The following PLD5 variants were observed in gnomAD, a reference collection of about 807,000 sequenced individuals.
The protein encoded by PLD5 is phospholipase D family member 5, also known as inactive phospholipase D5.
In PLD5, 36 loss-of-function variants were observed where a neutral mutation model predicts 61.1. The ratio of observed to expected loss-of-function variants is 0.59; its 90% CI spans 0.45 to 0.78. The LOEUF is 0.78. Among genes scored for constraint, PLD5 ranks in the 30% least tolerant of loss-of-function variants. The pLI is 0.00. For synonymous variants in PLD5, 243 were observed against 242.8 expected (o/e 1.00, Z -0.01); for missense variants, 515 against 644.4 (o/e 0.80, Z 2.17).
chr1:242,494,042 T>C (rs1364026649), intron 1 of PLD5, among the ~76,000 whole-genome samples: 1 of 151,902 alleles, frequency 6.6e-6, no homozygotes, highest in Non-Finnish European at 1.5e-5. Context: ...GCCTTTGCAT[T>C]GGTATGCTTC....
At chr1:242,478,188 C>T (rs968273709) in intron 1 of PLD5, among the ~76,000 whole-genome samples, 1 of 152,182 alleles carries the variant, frequency 6.6e-6, no homozygotes, top group Non-Finnish European at 1.5e-5. Context: ...TCAAGGCTAG[C>T]CGGAGTCTTT....
intron 3 of PLD5, among the ~76,000 whole-genome samples, chr1:242,282,571 A>G (rs146748537): frequency 2.2e-4 from 33 of 152,378 alleles, no homozygotes; most frequent in Admixed American, 7.2e-4. Flanking sequence ...GTAGACCAGT[A>G]TCTAATTGAT....
At chr1:242,312,657 G>A (rs1016433787) in intron 2 of PLD5, among the ~76,000 whole-genome samples, 17 of 152,252 alleles carry the variant, frequency 1.1e-4, no homozygotes, top group African/African-American at 3.9e-4. Flanking sequence ...GTTAAGCAAC[G>A]CAGAGGTCAA....
chr1:242,499,954 A>G (rs10803048), intron 1 of PLD5, among the ~76,000 whole-genome samples: 125,858 of 152,102 alleles, frequency 0.83, 52,140 homozygotes, highest in East Asian at 0.87. Context: ...CGGGGGCTCA[A>G]CTGGGATGGC....
chr1:242,394,988 A>ATT (rs1663426964), intron 1 of PLD5, among the ~76,000 whole-genome samples: 3 of 51,180 alleles, frequency 5.9e-5, no homozygotes, highest in African/African-American at 2.6e-4. Flanking sequence ...AATATATATG[A>ATT]ATATATATGT....
intron 4 of PLD5, among the ~76,000 whole-genome samples, chr1:242,226,282 G>C (rs1184605495): frequency 6.6e-6 from 1 of 152,158 alleles, no homozygotes; most frequent in Non-Finnish European, 1.5e-5. Context: ...TGTCAACCGA[G>C]AGATGCATAC....
intron 1 of PLD5, among the ~76,000 whole-genome samples, chr1:242,456,766 G>A (rs1558581047): frequency 6.6e-6 from 1 of 152,144 alleles, no homozygotes; most frequent in Non-Finnish European, 1.5e-5. Context: ...AGAAGATCTG[G>A]CCCCTGTGAG....
At chr1:242,283,137 A>G (rs909783020) in intron 3 of PLD5, among the ~76,000 whole-genome samples, 3 of 152,266 alleles carry the variant, frequency 2.0e-5, no homozygotes, top group Non-Finnish European at 2.9e-5. Flanking sequence ...AATGAAAAAT[A>G]AAAAAGCACA....
intron 1 of PLD5, among the ~76,000 whole-genome samples, chr1:242,390,213 C>A (rs1662848927): frequency 1.3e-5 from 2 of 152,176 alleles, no homozygotes; most frequent in South Asian, 4.2e-4. Flanking sequence ...CACCCCACTA[C>A]CATACCTGGC....
chr1:242,243,029 T>C (rs770136960), intron 4 of PLD5, among the ~76,000 whole-genome samples: 3 of 152,174 alleles, frequency 2.0e-5, no homozygotes, highest in African/African-American at 7.2e-5. Context: ...TGTGACAAAA[T>C]GGCTTCTCAG....
At position 242,237,018 on chromosome 1, in the gene PLD5, C is replaced by A. The variant is rs376410636; in HGVS notation, c.608-16903G>T. ...TGAAAAATTGTTCTTTTCACACAGA[C>A]AAGCAATGTGTCAGTGACTGTCTTC... On this transcript the variant is annotated intron_variant, in intron 4 of 9. Transcript: ENST00000536534. Among the ~76,000 whole-genome samples, 77 of 152,296 alleles carry A rather than the reference C, an allele frequency of 5.1e-4. No homozygotes were observed. In the South Asian group the frequency reaches 0.015, roughly 29 times the overall value.
At chr1:242,207,997 C>T (rs1574517995) in intron 5 of PLD5, among the ~76,000 whole-genome samples, 1 of 120,540 alleles carries the variant, frequency 8.3e-6, no homozygotes, top group African/African-American at 4.0e-5. Flanking sequence ...TTTATACACA[C>T]ACACACACAC....
At chr1:242,236,238 T>C (rs949821189) in intron 4 of PLD5, among the ~76,000 whole-genome samples, 3 of 152,194 alleles carry the variant, frequency 2.0e-5, no homozygotes, top group Non-Finnish European at 2.9e-5. Context: ...CTGTGAGATA[T>C]ATATTTCTAT....
In PLD5 at chr1:242,298,854, A is replaced by G. The variant is rs367677642; in HGVS notation, c.327-10324T>C. On this transcript the variant is annotated intron_variant, in intron 2 of 9. Coordinates refer to ENST00000536534, the MANE Select transcript of PLD5 (RefSeq NM_001372062.1). The stretch of plus-strand genomic sequence containing the variant: ...ACTACTGACCCAGAAAGGAACAATC[A>G]GAAAGAAACTTGAGGAGGATGAAGA... Among the ~76,000 whole-genome samples the G allele has an allele frequency of 3.0e-4, 45 of 152,298 alleles. No individual in the cohort carries two copies. The East Asian group carries it at 7.7e-3, about 26-fold the overall frequency.
chr1:242,315,683 T>A (rs569897547), intron 2 of PLD5, among the ~76,000 whole-genome samples: 2 of 152,294 alleles, frequency 1.3e-5, no homozygotes, highest in African/African-American at 2.4e-5. Context: ...TGCTACATTG[T>A]CTAGACTGCA....
intron 2 of PLD5, 119 bp downstream of exon 2, chr1:242,347,987 A>G: frequency 1.0e-5 from 13 of 1,278,692 alleles, no homozygotes; most frequent in Non-Finnish European, 1.4e-5. Flanking sequence ...ACCTCAGCTT[A>G]AGCTAAGGGG....
chr1:242,455,847 C>T (rs1293271800), intron 1 of PLD5, among the ~76,000 whole-genome samples: 5 of 152,278 alleles, frequency 3.3e-5, no homozygotes, highest in East Asian at 3.9e-4. Flanking sequence ...GTCCTTGAAC[C>T]GCAGTTATGT....
chr1:242,205,461 TAA>T (rs141353039), intron 5 of PLD5, among the ~76,000 whole-genome samples: 1,966 of 152,286 alleles, frequency 0.013, 52 homozygotes, highest in African/African-American at 0.046. Context: ...TTGTAAAAGA[TAA>T]GAGACTTCCA....
At chr1:242,477,653 T>C (rs73144019) in intron 1 of PLD5, among the ~76,000 whole-genome samples, 2,104 of 152,146 alleles carry the variant, frequency 0.014, 53 homozygotes, top group African/African-American at 0.049. Context: ...TTAAGGACAG[T>C]CCAGACTGAG....
Sources: gnomAD v4.1 joint callset for allele counts (sites outside exome capture counted in the v4.1 genomes callset) on GRCh38, gnomAD v4.1.1 for gene constraint, MANE v1.5 for transcripts, NCBI Gene and HGNC (gene_info 2026-07-23, HGNC 2026-07-21) for gene names.